ZNF423: variants seen among roughly 807,000 people sequenced by gnomAD.
The protein encoded by ZNF423 is zinc finger protein 423, also known as Ebf-associated zinc finger protein.
Under a neutral mutation model 95.8 loss-of-function variants are expected in ZNF423, and 12 were observed. The ratio of observed to expected loss-of-function variants is 0.13; its 90% CI spans 0.08 to 0.20. The LOEUF is 0.20. ZNF423 is among the 10% of genes least tolerant of loss of function. ZNF423 has a pLI of 1.00. For synonymous variants in ZNF423, 749 were observed against 711.9 expected (o/e 1.05, Z -0.83); for missense variants, 1,316 against 1,737.1 (o/e 0.76, Z 4.31).
At chr16:49,731,118 A>G (rs2033157456) in intron 2 of ZNF423, 147 bp from the exon 3 acceptor site, 1 of 987,984 alleles carries the variant, frequency 1.0e-6, no homozygotes, top group Non-Finnish European at 1.5e-6. Context: ...ATATTAATAG[A>G]TGGGGTTTTT....
intron 5 of ZNF423, among the ~76,000 whole-genome samples, chr16:49,587,318 C>T (rs1326504092): frequency 6.6e-6 from 1 of 152,210 alleles, no homozygotes. Flanking sequence ...ACTGACCCTG[C>T]ATTTGGCGAA....
intron 3 of ZNF423, among the ~76,000 whole-genome samples, chr16:49,662,727 T>G (rs1034791325): frequency 1.3e-5 from 2 of 152,138 alleles, no homozygotes; most frequent in Non-Finnish European, 2.9e-5. Context: ...AAGGCGACAC[T>G]TGAGCAGACA....
rs533973289 is a variant in ZNF423, at chr16:49,800,959, G to T, written c.41-11413C>A. On this transcript the variant is annotated intron_variant, in intron 1 of 7. Coordinates refer to ENST00000563137, the MANE Select transcript of ZNF423 (RefSeq NM_001379286.1). Reference sequence around the variant, plus strand: ...CCAGCCCAGCCATGGGGTAGGAAAAGAAAAGGAAACTGAATATCACAAAGC... The same window carrying T: ...CCAGCCCAGCCATGGGGTAGGAAAATAAAAGGAAACTGAATATCACAAAGC... 5.9e-5 allele frequency among the ~76,000 whole-genome samples: 9 copies of T among 152,366 alleles called. No homozygotes were observed. The South Asian group carries it at 1.9e-3, about 32-fold the overall frequency.
At chr16:49,840,532 C>T (rs1354407237) in intron 1 of ZNF423, among the ~76,000 whole-genome samples, 1 of 152,188 alleles carries the variant, frequency 6.6e-6, no homozygotes, top group Non-Finnish European at 1.5e-5. Flanking sequence ...AAAGTAAATT[C>T]ATAAGCAAAG....
intron 5 of ZNF423, among the ~76,000 whole-genome samples, chr16:49,593,723 C>T (rs1971091526): frequency 6.6e-6 from 1 of 152,198 alleles, no homozygotes; most frequent in East Asian, 1.9e-4. Context: ...CCTTAGATCT[C>T]CGAGAAGCCC....
intron 1 of ZNF423, among the ~76,000 whole-genome samples, chr16:49,810,872 G>A (rs1341275720): frequency 6.6e-6 from 1 of 152,142 alleles, no homozygotes; most frequent in Non-Finnish European, 1.5e-5. Flanking sequence ...TGGTCTTGAG[G>A]CCCTCGGGGT....
chr16:49,638,483 C>G lies in ZNF423; in HGVS notation c.693G>C (p.Lys231Asn). The stretch of plus-strand genomic sequence containing the variant: ...AGAAGCCGCGCTTGCACACAGTGCA[C>G]TTGAAGGGCTTGCTGGAGCTGTGGG... ...LKTHSSSKPF[K>N]CTVCKRGFSS... is the part of the protein sequence containing the mutation. The change falls in exon 4 of 8, where the codon AAG becomes AAC. Residue 231 changes from lysine (K) to asparagine (N), a missense_variant. By Grantham distance (94) the Lys-to-Asn change is moderately conservative. Transcript: ENST00000563137. The surrounding 1 kb of genome is among the most constrained non-coding windows in gnomAD (Gnocchi z 5.6). 6.2e-7 allele frequency: 1 copy of G among 1,613,878 alleles called. No homozygotes were observed. The highest frequency in any genetic ancestry group is 8.5e-7 in the Non-Finnish European group (1 of 1,180,040).
intron 5 of ZNF423, among the ~76,000 whole-genome samples, chr16:49,574,760 T>G (rs1040887904): frequency 2.6e-5 from 4 of 152,022 alleles, no homozygotes; most frequent in Admixed American, 2.0e-4. Context: ...GCTTTCCCTC[T>G]CTCCTGGAGC....
rs1273229939 is a variant in ZNF423 at position 49,492,144 on chromosome 16, ATTT to A, written c.3850-843_3850-841del. Among the ~76,000 whole-genome samples the A allele has an allele frequency of 6.6e-6, 1 of 152,156 alleles. No homozygotes were observed. The stretch of plus-strand genomic sequence containing the variant: ...CCAGCGGCCTGGGACTGGGGGTGGG[ATTT>A]GGCATCTGAAAGCCGTCTTTTTGTT... On this transcript the variant is annotated intron_variant, in intron 7 of 7. Coordinates refer to ENST00000563137, the MANE Select transcript of ZNF423 (RefSeq NM_001379286.1). This position sits in a 1 kb window ranked among gnomAD's most constrained non-coding sequence, Gnocchi z 4.2.
intron 2 of ZNF423, among the ~76,000 whole-genome samples, chr16:49,779,099 A>G (rs7194846): frequency 0.26 from 39,951 of 151,886 alleles, 6,445 homozygotes; most frequent in African/African-American, 0.46. Context: ...ACGAAGAAGT[A>G]GAGGTGAGAT....
chr16:49,812,518 GC>G (rs1205992863), intron 1 of ZNF423, among the ~76,000 whole-genome samples: 4 of 152,094 alleles, frequency 2.6e-5, no homozygotes, highest in Non-Finnish European at 5.9e-5. Context: ...AACATGATGA[GC>G]ACATCTCTAC....
chr16:49,587,567 C>A (rs1010550560), intron 5 of ZNF423, among the ~76,000 whole-genome samples: 2 of 152,054 alleles, frequency 1.3e-5, no homozygotes, highest in East Asian at 3.9e-4. Flanking sequence ...AAGACAGTTT[C>A]AGGCAGCTGG....
At chr16:49,745,478 C>T (rs920377479) in intron 2 of ZNF423, among the ~76,000 whole-genome samples, 2 of 152,234 alleles carry the variant, frequency 1.3e-5, no homozygotes, top group Admixed American at 6.5e-5. Flanking sequence ...CAAGCCCAAA[C>T]TTAAAGACTG....
chr16:49,581,102 G>A (rs1255508575), intron 5 of ZNF423, among the ~76,000 whole-genome samples: 3 of 152,048 alleles, frequency 2.0e-5, no homozygotes, highest in Admixed American at 1.3e-4. Flanking sequence ...CTCACCACCC[G>A]CTCCCCAAAA....
chr16:49,784,914 C>A (rs1422879191), intron 2 of ZNF423, among the ~76,000 whole-genome samples: 1 of 148,996 alleles, frequency 6.7e-6, no homozygotes, highest in Non-Finnish European at 1.5e-5. Flanking sequence ...CATGCCACCC[C>A]ACTCCAGCCT....
chr16:49,764,859 G>C (rs1489262746), intron 2 of ZNF423, among the ~76,000 whole-genome samples: 1 of 151,248 alleles, frequency 6.6e-6, no homozygotes, highest in African/African-American at 2.4e-5. Flanking sequence ...CAATTCTCCT[G>C]CCTCAGCCTC....
intron 1 of ZNF423, among the ~76,000 whole-genome samples, chr16:49,842,205 T>G (rs541572860): frequency 7.2e-6 from 1 of 138,076 alleles, no homozygotes; most frequent in East Asian, 2.2e-4. Flanking sequence ...GGCACTGCAC[T>G]CCAGCCTGTG....
chr16:49,643,507 C>A (rs146973401), intron 3 of ZNF423, among the ~76,000 whole-genome samples: 56 of 150,336 alleles, frequency 3.7e-4, no homozygotes, highest in African/African-American at 1.1e-3. Context: ...GTGAACCCCC[C>A]CTTAGTCCTG....
At chr16:49,665,741 C>A (rs910870860) in intron 3 of ZNF423, among the ~76,000 whole-genome samples, 1 of 152,188 alleles carries the variant, frequency 6.6e-6, no homozygotes, top group Non-Finnish European at 1.5e-5. Context: ...CCCACAAAGC[C>A]ATCATCCAGC....
Sources: allele counts gnomAD v4.1 joint callset (sites outside exome capture counted in the v4.1 genomes callset), GRCh38; gene constraint gnomAD v4.1.1; non-coding constraint Gnocchi (gnomAD v3.1); transcripts MANE v1.5; gene names NCBI Gene and HGNC (gene_info 2026-07-23, HGNC 2026-07-21).